Variants in UBL7 observed in about 807,000 individuals in gnomAD.
UBL7 encodes ubiquitin like 7, also known as ubiquitin-like protein 7.
A neutral mutation model predicts 41.7 loss-of-function variants in UBL7; 21 were observed. The ratio of observed to expected loss-of-function variants is 0.50; its 90% CI spans 0.36 to 0.73. The LOEUF (loss-of-function observed/expected upper bound fraction) is 0.73. Ranked by LOEUF, UBL7 falls within the 30% of genes least tolerant of loss-of-function variation. UBL7 has a pLI of 0.00. For missense variants in UBL7, 403 were observed against 478.4 expected, an observed-to-expected ratio of 0.84 and a Z score of 1.47; for synonymous variants, 157 against 186.9, an observed-to-expected ratio of 0.84 and a Z score of 1.31.
At position 74,450,026 on chromosome 15, in the gene UBL7, C is replaced by A. The variant is rs749048717; in HGVS notation, c.574G>T (p.Val192Phe). The A allele has an allele frequency of 6.2e-7, 1 of 1,613,756 alleles. No individual in the cohort carries two copies. Among genetic ancestry groups the A allele is most frequent in the Admixed American group, 1.7e-5 (1 of 59,968 alleles). The change falls in exon 7 of 11, where the codon GTT becomes TTT. Residue 192 changes from valine (V) to phenylalanine (F), a missense_variant. Transcript: ENST00000395081. Reference sequence around the variant, plus strand: ...GCACTGCCTGCTACGGAGTGCAGAACCAGGACAATGGCATTGACGAGGGCT... The same window carrying A: ...GCACTGCCTGCTACGGAGTGCAGAAACAGGACAATGGCATTGACGAGGGCT... ...HPALVNAIVL[V>F]LHSVAGSAPM...
Position 74,456,770 on chromosome 15 carries a change from T to C in UBL7, c.185-99A>G, listed in dbSNP as rs1353389113. 7 of 1,365,454 alleles carry C rather than the reference T, an allele frequency of 5.1e-6. No individual in the cohort carries two copies. The South Asian group carries it at 8.0e-5, about 16-fold the overall frequency. The allele number at this position is 1,365,454 out of a possible 1,614,324, so 84.6% of individuals were successfully genotyped here. A position where few individuals can be genotyped will look rare whatever the true frequency, so the allele number is the denominator to read the frequency against. On this transcript the variant is annotated intron_variant, in intron 2 of 10. Coordinates refer to ENST00000395081, the MANE Select transcript of UBL7 (RefSeq NM_032907.5). The stretch of plus-strand genomic sequence containing the variant: ...TTTTGATTAGATAGCTGGAGAATGA[T>C]ACATGTTTTAAAAGATACTCTTATT...
chr15:74,451,091 A>C (rs1335118540), intron 5 of UBL7, among the ~76,000 whole-genome samples: 2 of 152,196 alleles, frequency 1.3e-5, no homozygotes, highest in African/African-American at 2.4e-5. Flanking sequence ...GTCACATCAC[A>C]GACTGGGTAC....
In UBL7 at chr15:74,449,369, A is replaced by G. The variant is rs1321272471; in HGVS notation, c.715-16T>C. ...ACCTGGTGTTCTGGAGAAAGAAGAC[A>G]CTCAGAATCAGGGAAGCAGTACTGT... On this transcript the variant is annotated splice_polypyrimidine_tract_variant and intron_variant, in intron 8 of 10. Transcript: ENST00000395081. 2 of 1,613,670 alleles carry G rather than the reference A, an allele frequency of 1.2e-6. No homozygotes were observed. Among genetic ancestry groups the G allele is most frequent in the Non-Finnish European group, 1.7e-6 (2 of 1,179,824 alleles).
rs1054034985 is a variant in UBL7, at chr15:74,450,838, A to G, written c.494T>C (p.Leu165Pro). 2.5e-6 allele frequency: 4 copies of G among 1,613,630 alleles called. No homozygotes were observed. Among genetic ancestry groups the G allele is most frequent in the Non-Finnish European group, 3.4e-6 (4 of 1,179,758 alleles). ...ATTGGGATCAGCGAAGACAGAGAAG[A>G]GGTCCTTGTCCTGGAGAACCCCTGA... ...IALGVLQDKD[L>P]FSVFADPNML... The change falls in exon 6 of 11, where the codon CTC becomes CCC. Residue 165 changes from leucine to proline, a missense_variant. Coordinates refer to ENST00000395081, the MANE Select transcript of UBL7 (RefSeq NM_032907.5).
intron 1 of UBL7, 176 bp from the exon 2 acceptor site, chr15:74,459,072 G>A: frequency 3.3e-6 from 2 of 600,684 alleles, no homozygotes; most frequent in South Asian, 4.1e-5. Context: ...ATACTGTGAT[G>A]GACAGCTCTC....
In UBL7 at chr15:74,449,295, T is replaced by C. The variant is rs141136686; in HGVS notation, c.773A>G (p.Tyr258Cys). ...GGGCCGGGGCCCAGCAGCTCCACTG[T>C]ACCCCAGGGAGGCTGGGCGGGAGCT... is the stretch of plus-strand genomic sequence containing the variant. ...TPSSRPASLG[Y>C]SGAAGPRPIT... The change falls in exon 9 of 11, where the codon TAC becomes TGC. Residue 258 changes from tyrosine (Y) to cysteine (C), a missense_variant. Physicochemically the swap from Tyr to Cys is radical, Grantham distance 194. Transcript: ENST00000395081. 1 of 1,613,910 alleles carries C rather than the reference T, an allele frequency of 6.2e-7. No homozygotes were observed. Among genetic ancestry groups the C allele is most frequent in the Non-Finnish European group, 8.5e-7 (1 of 1,179,950 alleles).
intron 3 of UBL7, among the ~76,000 whole-genome samples, chr15:74,455,792 G>C (rs2061288089): frequency 6.6e-6 from 1 of 152,014 alleles, no homozygotes; most frequent in Non-Finnish European, 1.5e-5. Flanking sequence ...TTCGAGACCA[G>C]GTTGACCAAC....
chr15:74,449,351 G>A lies in UBL7; in HGVS notation c.717C>T (p.Asn239=). The A allele has an allele frequency of 6.2e-7, 1 of 1,614,062 alleles. No individual in the cohort carries two copies. The highest frequency in any genetic ancestry group is 1.1e-5 in the South Asian group (1 of 91,080). Residue 239 remains asparagine, a splice_region_variant and synonymous_variant, in exon 9 of 11, where the codon AAC becomes AAT. Coordinates refer to ENST00000395081, the MANE Select transcript of UBL7 (RefSeq NM_032907.5). ...LSDDEDDFHP[N]TRSTPSSSTP... ...TACTGCTAGAGGGTGTGGACCTGGT[G>A]TTCTGGAGAAAGAAGACACTCAGAA...
chr15:74,450,687 G>T, intron 6 of UBL7, 115 bp downstream of exon 6: 1 of 1,123,430 alleles, frequency 8.9e-7, no homozygotes, highest in Non-Finnish European at 1.3e-6. Context: ...CTAAGGGGTA[G>T]ACTTGGTGAC....
Position 74,461,136 on chromosome 15 carries a change from T to A in UBL7, c.-129A>T. ...TCCCGCGGAAGGAACCCGGCCGCACTGCCGCCGGTGTAAACACTCACTCTG... is the reference window on the plus strand; with the variant it reads ...TCCCGCGGAAGGAACCCGGCCGCACAGCCGCCGGTGTAAACACTCACTCTG... On this transcript the variant is annotated 5_prime_UTR_variant, in exon 1 of 11. Transcript: ENST00000395081. The A allele has an allele frequency of 2.0e-6, 2 of 997,124 alleles. No homozygotes were observed. The highest frequency in any genetic ancestry group is 2.4e-6 in the Non-Finnish European group (2 of 835,746). 61.8% of individuals were successfully genotyped at this position (997,124 alleles called of 1,614,324 possible).
chr15:74,447,862 GC>G (rs1399275577), intron 10 of UBL7, among the ~76,000 whole-genome samples: 6 of 152,166 alleles, frequency 3.9e-5, no homozygotes, highest in African/African-American at 1.2e-4. Flanking sequence ...ACTGGACACT[GC>G]ATCCTAGCCT....
chr15:74,450,760 G>C, intron 6 of UBL7, 42 bp downstream of exon 6: 1 of 1,605,648 alleles, frequency 6.2e-7, no homozygotes, highest in Non-Finnish European at 8.5e-7. Context: ...GCCTGAGCAC[G>C]AGGAGAGAGA....
chr15:74,457,607 C>T (rs751127448), intron 2 of UBL7, among the ~76,000 whole-genome samples: 4 of 149,974 alleles, frequency 2.7e-5, no homozygotes, highest in Non-Finnish European at 5.9e-5. Flanking sequence ...TGTGGTTGTG[C>T]GGGCCTGTAA....
chr15:74,460,968 T>G, intron 1 of UBL7, 69 bp downstream of exon 1: 2 of 1,126,216 alleles, frequency 1.8e-6, no homozygotes, highest in Non-Finnish European at 2.2e-6. Context: ...CAAGACTCAG[T>G]AAAATCACTG....
At chr15:74,447,601 G>A (rs533618715) in intron 10 of UBL7, among the ~76,000 whole-genome samples, 1 of 152,236 alleles carries the variant, frequency 6.6e-6, no homozygotes, top group East Asian at 1.9e-4. Context: ...CAGCTACCCG[G>A]GAGGCTGAGG....
At chr15:74,458,637 C>CAA (rs545514268) in intron 2 of UBL7, 47 bp downstream of exon 2, 3 of 1,541,352 alleles carry the variant, frequency 1.9e-6, no homozygotes, top group Non-Finnish European at 1.8e-6. Context: ...TATCCTCCCC[C>CAA]AAAAGAGATC....
At chr15:74,451,371 T>C in intron 5 of UBL7, 65 bp downstream of exon 5, 1 of 1,388,894 alleles carries the variant, frequency 7.2e-7, no homozygotes, top group Non-Finnish European at 1.0e-6. Flanking sequence ...TTTAGAGGAA[T>C]TGTCTTCTCC....
At chr15:74,459,408 CTCCTGCCT>C (rs1375674826) in intron 1 of UBL7, among the ~76,000 whole-genome samples, 87 of 151,378 alleles carry the variant, frequency 5.7e-4, no homozygotes, top group Non-Finnish European at 1.1e-3. Context: ...TCACGCCATT[CTCCTGCCT>C]TCCTGCCTCA....
chr15:74,449,306 G>A lies in UBL7; in HGVS notation c.762C>T (p.Ala254=). The change falls in exon 9 of 11, where the codon GCC becomes GCT. Residue 254 remains alanine (A), a synonymous_variant. Transcript: ENST00000395081. ...CAGCAGCTCCACTGTACCCCAGGGA[G>A]GCTGGGCGGGAGCTGGGAGTACTGC... The part of the protein sequence containing the change: ...PSSSTPSSRP[A]SLGYSGAAGP... 6.2e-7 allele frequency: 1 copy of A among 1,614,072 alleles called. No homozygotes were observed. The highest frequency in any genetic ancestry group is 2.2e-5 in the East Asian group (1 of 44,888).
Sources: allele counts gnomAD v4.1 joint callset (sites outside exome capture counted in the v4.1 genomes callset), GRCh38; gene constraint gnomAD v4.1.1; transcripts MANE v1.5; gene names NCBI Gene and HGNC (gene_info 2026-07-23, HGNC 2026-07-21).